The following ATE1 variants were observed in gnomAD, a reference collection of about 807,000 sequenced individuals.
The protein encoded by ATE1 is arginyl-tRNA--protein transferase 1.
Under a neutral mutation model 70.5 loss-of-function variants are expected in ATE1, and 36 were observed. The observed-to-expected ratio is 0.51, with a 90% CI of 0.39 to 0.67. ATE1 has a LOEUF of 0.67. Among genes scored for constraint, ATE1 ranks in the 30% least tolerant of loss-of-function variants. The pLI is 0.00. For synonymous variants in ATE1, 232 were observed against 219.3 expected (o/e 1.06, Z -0.51); for missense variants, 593 against 629.5 (o/e 0.94, Z 0.62).
At chr10:121,884,810 A>G (rs1950331320) in intron 7 of ATE1, among the ~76,000 whole-genome samples, 1 of 152,238 alleles carries the variant, frequency 6.6e-6, no homozygotes, top group Admixed American at 6.5e-5. Flanking sequence ...TACTACTATT[A>G]GTAATAAATG....
chr10:121,757,839 A>G (rs941055800), intron 11 of ATE1, among the ~76,000 whole-genome samples: 1 of 152,188 alleles, frequency 6.6e-6, no homozygotes, highest in African/African-American at 2.4e-5. Flanking sequence ...CTAGTGCTAA[A>G]CTGTGTTCTT....
intron 6 of ATE1, among the ~76,000 whole-genome samples, chr10:121,901,902 GATTTCAGCAGTACA>G (rs1950996656): frequency 6.6e-6 from 1 of 152,134 alleles, no homozygotes; most frequent in Non-Finnish European, 1.5e-5. Flanking sequence ...AATGAGAGAG[GATTTCAGCAGTACA>G]ATTTAGCCCT....
intron 11 of ATE1, among the ~76,000 whole-genome samples, chr10:121,777,723 A>C (rs1450877400): frequency 1.4e-4 from 21 of 152,224 alleles, no homozygotes; most frequent in Admixed American, 9.8e-4. Context: ...CTGTGATTCC[A>C]CAGGAAATAC....
intron 11 of ATE1, among the ~76,000 whole-genome samples, chr10:121,786,768 T>C (rs1164477963): frequency 6.6e-6 from 1 of 152,168 alleles, no homozygotes; most frequent in Non-Finnish European, 1.5e-5. Flanking sequence ...AAGTAAGAAG[T>C]AACACAAAGT....
At chr10:121,858,793 G>A (rs1028549042) in intron 8 of ATE1, among the ~76,000 whole-genome samples, 6 of 151,094 alleles carry the variant, frequency 4.0e-5, no homozygotes, top group African/African-American at 1.2e-4. Flanking sequence ...TATATAAGAA[G>A]GTATAAAAGC....
chr10:121,785,928 A>C (rs1368806850), intron 11 of ATE1, among the ~76,000 whole-genome samples: 10 of 152,200 alleles, frequency 6.6e-5, no homozygotes, highest in Non-Finnish European at 1.5e-4. Context: ...TACTCTGGTA[A>C]AATATATATC....
At chr10:121,893,102 C>G (rs1036015563) in intron 7 of ATE1, among the ~76,000 whole-genome samples, 2 of 151,590 alleles carry the variant, frequency 1.3e-5, no homozygotes, top group Non-Finnish European at 2.9e-5. Context: ...ATAGTGAAAC[C>G]CCATCTCTAC....
chr10:121,819,856 G>C (rs117115791), intron 10 of ATE1, among the ~76,000 whole-genome samples: 4,407 of 150,480 alleles, frequency 0.029, 106 homozygotes, highest in Non-Finnish European at 0.046. Context: ...AACCAAAAAA[G>C]TAAAACAGGC....
At chr10:121,917,442 G>A (rs1026158385) in intron 3 of ATE1, among the ~76,000 whole-genome samples, 1 of 152,044 alleles carries the variant, frequency 6.6e-6, no homozygotes, top group Non-Finnish European at 1.5e-5. Context: ...CACAGTACCC[G>A]CCATGGTTCA....
intron 11 of ATE1, among the ~76,000 whole-genome samples, chr10:121,773,317 C>T (rs930500619): frequency 2.0e-5 from 3 of 152,182 alleles, no homozygotes; most frequent in African/African-American, 7.2e-5. Context: ...AATATTAAAA[C>T]GCTCTTCTTG....
At chr10:121,849,472 A>C (rs1378077328) in intron 8 of ATE1, among the ~76,000 whole-genome samples, 1 of 152,172 alleles carries the variant, frequency 6.6e-6, no homozygotes, top group African/African-American at 2.4e-5. Flanking sequence ...TACCATAGAC[A>C]TTACTCCCAT....
chr10:121,809,707 A>G (rs1263742757), intron 10 of ATE1, among the ~76,000 whole-genome samples: 1 of 152,072 alleles, frequency 6.6e-6, no homozygotes, highest in African/African-American at 2.4e-5. Flanking sequence ...TGTCCTGGAC[A>G]TCCAAAAGGC....
intron 10 of ATE1, among the ~76,000 whole-genome samples, chr10:121,817,006 C>A (rs1034666721): frequency 1.3e-5 from 2 of 152,122 alleles, no homozygotes; most frequent in South Asian, 4.1e-4. Flanking sequence ...ACAATTCAAA[C>A]ACAACAGTTT....
intron 10 of ATE1, among the ~76,000 whole-genome samples, chr10:121,825,696 G>C (rs1236496450): frequency 6.6e-6 from 1 of 152,192 alleles, no homozygotes; most frequent in South Asian, 2.1e-4. Flanking sequence ...GTGCTGGTGA[G>C]GATGTGGAGA....
chr10:121,829,214 A>G (rs571160219), intron 10 of ATE1, among the ~76,000 whole-genome samples: 1 of 152,180 alleles, frequency 6.6e-6, no homozygotes, highest in African/African-American at 2.4e-5. Flanking sequence ...CACAAGGTCA[A>G]GAGATCGAGA....
At chr10:121,853,220 C>G (rs1008737200) in intron 8 of ATE1, among the ~76,000 whole-genome samples, 1 of 151,740 alleles carries the variant, frequency 6.6e-6, no homozygotes, top group Non-Finnish European at 1.5e-5. Context: ...AAAAATTAGC[C>G]GGGCATGGTG....
At chr10:121,763,378 A>G (rs1284320250) in intron 11 of ATE1, among the ~76,000 whole-genome samples, 1 of 152,236 alleles carries the variant, frequency 6.6e-6, no homozygotes, top group Admixed American at 6.5e-5. Context: ...CAATAGGTAA[A>G]CAGATCAACT....
intron 3 of ATE1, among the ~76,000 whole-genome samples, chr10:121,917,899 A>G (rs564902779): frequency 1.3e-5 from 2 of 152,354 alleles, no homozygotes; most frequent in African/African-American, 4.8e-5. Context: ...TTATACACAC[A>G]TACTGGAGAG....
At chr10:121,854,366 T>C (rs1037241860) in intron 8 of ATE1, among the ~76,000 whole-genome samples, 2 of 152,242 alleles carry the variant, frequency 1.3e-5, no homozygotes, top group African/African-American at 2.4e-5. Flanking sequence ...ATATTTGGCA[T>C]GTGTTTGTCC....
Sources: allele counts gnomAD v4.1 joint callset (sites outside exome capture counted in the v4.1 genomes callset), GRCh38; gene constraint gnomAD v4.1.1; transcripts MANE v1.5; gene names NCBI Gene and HGNC (gene_info 2026-07-23, HGNC 2026-07-21).